The following STAG1 variants were observed in gnomAD, a reference collection of about 807,000 sequenced individuals.
STAG1 encodes cohesin subunit SA-1.
Under a neutral mutation model 170.9 loss-of-function variants are expected in STAG1, and 26 were observed. The ratio of observed to expected loss-of-function variants is 0.15; its 90% CI spans 0.11 to 0.21. STAG1 has a LOEUF of 0.21. STAG1 is among the 10% of genes least tolerant of loss of function. STAG1 has a pLI of 1.00. For synonymous variants in STAG1, 514 were observed against 497.7 expected (o/e 1.03, Z -0.44); for missense variants, 964 against 1,509.5 (o/e 0.64, Z 5.99).
At chr3:136,524,690 G>A (rs1302455680) in intron 6 of STAG1, among the ~76,000 whole-genome samples, 2 of 152,072 alleles carry the variant, frequency 1.3e-5, no homozygotes, top group African/African-American at 4.8e-5. Flanking sequence ...CAAAGGGAAT[G>A]CTTTCAGTTT....
chr3:136,694,225 G>A lies in STAG1; in HGVS notation c.-84+57970C>T, dbSNP rs548085386. On this transcript the variant is annotated intron_variant, in intron 1 of 33. Transcript: ENST00000383202. The stretch of plus-strand genomic sequence containing the variant: ...ATACTTATCCCAATATCGTAGGCCA[G>A]AAGCTGAGGAAGTGGAGACAGGTCT... Among the ~76,000 whole-genome samples the A allele has an allele frequency of 2.6e-5, 4 of 152,260 alleles. No homozygotes were observed. In the South Asian group the frequency reaches 8.3e-4, roughly 32 times the overall value.
chr3:136,438,838 C>A (rs1002718308), intron 15 of STAG1, among the ~76,000 whole-genome samples: 2 of 151,896 alleles, frequency 1.3e-5, no homozygotes, highest in African/African-American at 4.8e-5. Flanking sequence ...TTATTTACAG[C>A]TACTTCATTC....
intron 5 of STAG1, among the ~76,000 whole-genome samples, chr3:136,553,382 T>C (rs937631427): frequency 6.6e-6 from 1 of 152,164 alleles, no homozygotes; most frequent in Non-Finnish European, 1.5e-5. Context: ...TAAGAAATTT[T>C]AGAATGAATG....
At chr3:136,378,087 A>T (rs768747364) in intron 22 of STAG1, among the ~76,000 whole-genome samples, 16 of 152,246 alleles carry the variant, frequency 1.1e-4, no homozygotes, top group Non-Finnish European at 1.9e-4. Context: ...AAAGTGAGGC[A>T]GCAGAGCAGC....
At chr3:136,397,727 G>A (rs755244886) in intron 22 of STAG1, among the ~76,000 whole-genome samples, 1 of 151,982 alleles carries the variant, frequency 6.6e-6, no homozygotes, top group Non-Finnish European at 1.5e-5. Context: ...TGGACCTTGA[G>A]AAACATCCTC....
chr3:136,345,052 C>T (rs566627624), intron 29 of STAG1, among the ~76,000 whole-genome samples: 59 of 152,142 alleles, frequency 3.9e-4, no homozygotes, highest in Middle Eastern at 3.4e-3. Flanking sequence ...CCAGGGGCTA[C>T]GAACTGTTTT....
intron 15 of STAG1, 86 bp from the exon 16 acceptor site, chr3:136,433,745 A>G: frequency 1.1e-6 from 1 of 894,596 alleles, no homozygotes; most frequent in Non-Finnish European, 1.8e-6. Context: ...AAAAAAACTG[A>G]AAACATTCTA....
chr3:136,674,799 T>A (rs898762486), intron 1 of STAG1, among the ~76,000 whole-genome samples: 1 of 152,218 alleles, frequency 6.6e-6, no homozygotes, highest in African/African-American at 2.4e-5. Context: ...AGCTGTTTTT[T>A]AAAAAGCTAA....
intron 6 of STAG1, among the ~76,000 whole-genome samples, chr3:136,533,188 TAAAGC>T (rs1194831186): frequency 6.6e-6 from 1 of 151,806 alleles, no homozygotes. Context: ...GATCTAGAAA[TAAAGC>T]TAACTAAAGT....
intron 29 of STAG1, among the ~76,000 whole-genome samples, chr3:136,348,489 A>G (rs1373436178): frequency 1.3e-5 from 2 of 152,078 alleles, no homozygotes; most frequent in Non-Finnish European, 2.9e-5. Context: ...GCTCACTGCA[A>G]CCTCAAACTT....
At chr3:136,461,816 C>T (rs1245560266) in intron 13 of STAG1, among the ~76,000 whole-genome samples, 1 of 151,992 alleles carries the variant, frequency 6.6e-6, no homozygotes, top group African/African-American at 2.4e-5. Context: ...GGATTAGTAA[C>T]CAGAATATAT....
At chr3:136,429,365 C>A (rs530021482) in intron 16 of STAG1, among the ~76,000 whole-genome samples, 1 of 151,972 alleles carries the variant, frequency 6.6e-6, no homozygotes, top group South Asian at 2.1e-4. Flanking sequence ...CCAGATCACG[C>A]CACTGCACTC....
intron 22 of STAG1, among the ~76,000 whole-genome samples, chr3:136,392,316 G>A (rs1376475490): frequency 6.6e-6 from 1 of 151,622 alleles, no homozygotes; most frequent in Admixed American, 6.6e-5. Flanking sequence ...AATAAATTAC[G>A]GTATAGCTAC....
intron 7 of STAG1, among the ~76,000 whole-genome samples, chr3:136,503,964 C>T (rs1157674450): frequency 5.3e-5 from 8 of 152,110 alleles, no homozygotes; most frequent in South Asian, 2.1e-4. Context: ...TTTGAACTCC[C>T]GATCTCAGGT....
chr3:136,720,546 T>C (rs1459491143), intron 1 of STAG1, among the ~76,000 whole-genome samples: 1 of 152,244 alleles, frequency 6.6e-6, no homozygotes, highest in East Asian at 1.9e-4. Flanking sequence ...TACCAGCACT[T>C]TGGGAGGCCG....
At chr3:136,344,857 G>A (rs760864394) in intron 29 of STAG1, among the ~76,000 whole-genome samples, 7 of 151,484 alleles carry the variant, frequency 4.6e-5, no homozygotes, top group South Asian at 2.1e-4. Flanking sequence ...CAGGTGATCC[G>A]CCCACCTCGG....
chr3:136,639,128 T>C (rs1228724184), intron 1 of STAG1, among the ~76,000 whole-genome samples: 1 of 138,516 alleles, frequency 7.2e-6, no homozygotes, highest in East Asian at 2.1e-4. Flanking sequence ...ATGCATATTA[T>C]AAGAAAAGTG....
chr3:136,408,068 T>C (rs990586258), intron 21 of STAG1, among the ~76,000 whole-genome samples: 2 of 107,382 alleles, frequency 1.9e-5, no homozygotes, highest in Non-Finnish European at 5.1e-5. Context: ...TATATAAATC[T>C]TCTCATCATC....
intron 30 of STAG1, among the ~76,000 whole-genome samples, chr3:136,342,843 A>C (rs1325569505): frequency 6.6e-6 from 1 of 152,216 alleles, no homozygotes; most frequent in African/African-American, 2.4e-5. Flanking sequence ...CAGGCTGCTA[A>C]AACAAGGAGA....
Sources: gnomAD v4.1 joint callset for allele counts (sites outside exome capture counted in the v4.1 genomes callset) on GRCh38, gnomAD v4.1.1 for gene constraint, MANE v1.5 for transcripts, NCBI Gene and HGNC (gene_info 2026-07-23, HGNC 2026-07-21) for gene names.